EGFR: variants seen among roughly 807,000 people sequenced by gnomAD.
EGFR encodes epidermal growth factor receptor, also known as avian erythroblastic leukemia viral (v-erb-b) oncogene homolog.
In EGFR, 58 loss-of-function variants were observed where a neutral mutation model predicts 143.0. The observed-to-expected ratio is 0.41, with a 90% CI of 0.33 to 0.50. The LOEUF (loss-of-function observed/expected upper bound fraction) is 0.50, where lower values mean the gene tolerates loss of function less well. Ranked by LOEUF, EGFR falls within the 20% of genes least tolerant of loss-of-function variation. The pLI, the probability that EGFR is intolerant of heterozygous loss-of-function variation, is 0.39. For missense variants in EGFR, 1,307 were observed against 1,579.0 expected (o/e 0.83, Z 2.92); for synonymous variants, 613 against 594.4 (o/e 1.03, Z -0.45).
rs533766849 is a variant in EGFR, at chr7:55,161,370, G to A, written c.1499-129G>A. ...CCCAGTCTGTGTCCTCCTCCTTCAGGGGTAGCCAGCATGTCTGTGTCACCC... is the reference window on the plus strand; with the variant it reads ...CCCAGTCTGTGTCCTCCTCCTTCAGAGGTAGCCAGCATGTCTGTGTCACCC... On this transcript the variant is annotated intron_variant, in intron 12 of 27. Coordinates refer to ENST00000275493, the MANE Select transcript of EGFR (RefSeq NM_005228.5). 50 of 1,297,220 alleles carry A rather than the reference G, an allele frequency of 3.9e-5. No homozygotes were observed. In the South Asian group the frequency reaches 7.0e-4, roughly 18 times the overall value. 80.4% of individuals were successfully genotyped at this position (1,297,220 alleles called of 1,614,324 possible).
intron 1 of EGFR, among the ~76,000 whole-genome samples, chr7:55,133,825 C>T (rs909543422): frequency 1.3e-5 from 2 of 152,216 alleles, no homozygotes; most frequent in Non-Finnish European, 2.9e-5. Flanking sequence ...ATGCCCTGGA[C>T]ACAGTGGAGG....
chr7:55,127,990 C>T (rs1042636553), intron 1 of EGFR, among the ~76,000 whole-genome samples: 1 of 152,220 alleles, frequency 6.6e-6, no homozygotes, highest in Non-Finnish European at 1.5e-5. Context: ...ATGGGGCAGC[C>T]AGAGAAGCCA....
Position 55,179,172 on chromosome 7 carries a change from G to T in EGFR, c.2284-2121G>T, listed in dbSNP as rs1786740825. On this transcript the variant is annotated intron_variant, in intron 19 of 27. Transcript: ENST00000275493. ...GTTCTTTCCTCAAAAACTTGGTGGG[G>T]AGGGTATTTTTAAAATCACACAAAT... is the stretch of plus-strand genomic sequence containing the variant. Among the ~76,000 whole-genome samples the T allele has an allele frequency of 2.0e-5, 3 of 152,252 alleles. No individual in the cohort carries two copies. In the South Asian group the frequency reaches 6.2e-4, roughly 32 times the overall value.
At chr7:55,059,945 G>A (rs577308005) in intron 1 of EGFR, among the ~76,000 whole-genome samples, 1 of 152,256 alleles carries the variant, frequency 6.6e-6, no homozygotes, top group African/African-American at 2.4e-5. Context: ...CAGAGACCCA[G>A]TGCCAACTTC....
At chr7:55,024,434 A>T (rs954554726) in intron 1 of EGFR, among the ~76,000 whole-genome samples, 1 of 152,088 alleles carries the variant, frequency 6.6e-6, no homozygotes, top group African/African-American at 2.4e-5. Context: ...TCAAGGAGAG[A>T]CTCGGAGTCC....
chr7:55,200,889 A>G (rs2128970942), intron 24 of EGFR: 3 of 521,552 alleles, frequency 5.8e-6, no homozygotes, highest in Non-Finnish European at 1.0e-5. Flanking sequence ...CTAACACCTC[A>G]CAGCAAGGTG....
chr7:55,147,510 C>CAAAAAAA (rs3063067), intron 4 of EGFR, among the ~76,000 whole-genome samples: 1 of 137,702 alleles, frequency 7.3e-6, no homozygotes, highest in African/African-American at 2.7e-5. Flanking sequence ...GCCCTCAGAA[C>CAAAAAAA]AAAAAAAAAA....
At chr7:55,095,858 G>C (rs922371151) in intron 1 of EGFR, among the ~76,000 whole-genome samples, 1 of 148,938 alleles carries the variant, frequency 6.7e-6, no homozygotes, top group South Asian at 2.1e-4. Flanking sequence ...CAGACACACA[G>C]AGACATACCT....
At chr7:55,111,131 C>A (rs538287027) in intron 1 of EGFR, among the ~76,000 whole-genome samples, 1 of 152,296 alleles carries the variant, frequency 6.6e-6, no homozygotes, top group South Asian at 2.1e-4. Context: ...AGAAACCCTG[C>A]CAGCTGGGTT....
chr7:55,184,848 C>T (rs1030924355), intron 20 of EGFR, among the ~76,000 whole-genome samples: 1 of 152,122 alleles, frequency 6.6e-6, no homozygotes, highest in African/African-American at 2.4e-5. Flanking sequence ...CAAATTGTGA[C>T]AATAGAAATT....
intron 1 of EGFR, among the ~76,000 whole-genome samples, chr7:55,083,440 C>T (rs1429196216): frequency 6.6e-6 from 1 of 152,198 alleles, no homozygotes; most frequent in Non-Finnish European, 1.5e-5. Flanking sequence ...AGGACTGTAA[C>T]AGACGCCTGA....
intron 1 of EGFR, among the ~76,000 whole-genome samples, chr7:55,133,852 C>T (rs915083680): frequency 6.6e-6 from 1 of 152,192 alleles, no homozygotes; most frequent in Non-Finnish European, 1.5e-5. Context: ...GTGCAAGCAC[C>T]GGCCTGGCCC....
chr7:55,074,405 C>A (rs2128885778), intron 1 of EGFR, among the ~76,000 whole-genome samples: 1 of 152,292 alleles, frequency 6.6e-6, no homozygotes, highest in South Asian at 2.1e-4. Context: ...ACAATGTAAT[C>A]AAAATAGAAT....
intron 1 of EGFR, among the ~76,000 whole-genome samples, chr7:55,053,238 G>A (rs1021890979): frequency 2.6e-5 from 4 of 152,110 alleles, no homozygotes; most frequent in South Asian, 2.1e-4. Context: ...GTTTCTTGAC[G>A]TGCTTCAGTA....
At chr7:55,195,869 G>A (rs7808697) in intron 22 of EGFR, among the ~76,000 whole-genome samples, 29,780 of 152,116 alleles carry the variant, frequency 0.2, 3,735 homozygotes, top group East Asian at 0.44. Flanking sequence ...TTTTGTGGCT[G>A]CCTAGTGTTC....
intron 1 of EGFR, among the ~76,000 whole-genome samples, chr7:55,043,551 G>T (rs1048257162): frequency 6.6e-6 from 1 of 152,054 alleles, no homozygotes; most frequent in Non-Finnish European, 1.5e-5. Flanking sequence ...TAGTAGAGAC[G>T]GGGTTTTGCC....
chr7:55,020,026 C>G (rs1346467669), intron 1 of EGFR, among the ~76,000 whole-genome samples: 1 of 152,236 alleles, frequency 6.6e-6, no homozygotes. Context: ...TGTGGAGTCG[C>G]AGCCTCGACC....
chr7:55,107,175 T>G (rs1263785345), intron 1 of EGFR, among the ~76,000 whole-genome samples: 1 of 152,244 alleles, frequency 6.6e-6, no homozygotes, highest in Non-Finnish European at 1.5e-5. Context: ...GCATACAGAC[T>G]AGTTAATGTG....
intron 7 of EGFR, among the ~76,000 whole-genome samples, chr7:55,155,421 G>A (rs1278837529): frequency 6.6e-6 from 1 of 152,218 alleles, no homozygotes; most frequent in Non-Finnish European, 1.5e-5. Flanking sequence ...CAGCCTGGGT[G>A]ACAGAGCAAG....
Sources: allele counts gnomAD v4.1 joint callset (sites outside exome capture counted in the v4.1 genomes callset), GRCh38; gene constraint gnomAD v4.1.1; transcripts MANE v1.5; gene names NCBI Gene and HGNC (gene_info 2026-07-23, HGNC 2026-07-21).